CHST5: variants seen among roughly 807,000 people sequenced by gnomAD.
CHST5 encodes the protein GST4-alpha.
For synonymous variants in CHST5, 313 were observed against 279.2 expected, an observed-to-expected ratio of 1.12 and a Z score of -1.21; for missense variants, 637 against 602.1, an observed-to-expected ratio of 1.06 and a Z score of -0.61.
rs2080489464 is a variant in CHST5, at chr16:75,529,315, T to A, written c.1070A>T (p.His357Leu). ...CAGGATCTTAGTGAAGGGCAACGCGTGGCGCCAGGCCTGGGAGACGTTGCG... is the reference window on the plus strand; with the variant it reads ...CAGGATCTTAGTGAAGGGCAACGCGAGGCGCCAGGCCTGGGAGACGTTGCG... ...NARNVSQAWR[H>L]ALPFTKILRV... The change falls in exon 4 of 4, where the codon CAC becomes CTC. Residue 357 changes from histidine (H) to leucine (L), a missense_variant. Coordinates refer to ENST00000336257, the MANE Select transcript of CHST5 (RefSeq NM_024533.5). 5.0e-6 allele frequency: 8 copies of A among 1,613,076 alleles called. No individual in the cohort carries two copies. The South Asian group carries it at 7.7e-5, about 15-fold the overall frequency.
rs1157574032 is a variant in CHST5 at position 75,529,526 on chromosome 16, G to T, written c.859C>A (p.Arg287Ser). The T allele has an allele frequency of 6.2e-7, 1 of 1,610,184 alleles. No individual in the cohort carries two copies. The highest frequency in any genetic ancestry group is 2.2e-5 in the East Asian group (1 of 44,864). ...AAGCGCACCAGGCGGTAGCGGCCGCGCAGGAAGGGTGGCGGCTTGAGTGTG... is the reference window on the plus strand; with the variant it reads ...AAGCGCACCAGGCGGTAGCGGCCGCTCAGGAAGGGTGGCGGCTTGAGTGTG... Reference protein sequence around the residue: ...AATLKPPPFLRGRYRLVRFED... With the variant: ...AATLKPPPFLSGRYRLVRFED... Residue 287 changes from arginine to serine, a missense_variant, in exon 4 of 4, where the codon CGC becomes AGC. Physicochemically the swap from Arg to Ser is moderately radical, Grantham distance 110 (BLOSUM62 -1). Transcript: ENST00000336257.
Position 75,531,522 on chromosome 16 carries a change from A to G in CHST5, c.-1138T>C, listed in dbSNP as rs2641806. ...TTGATGGGGAGCTGGGATGGAGCCCAAGAAGCAGAGAGGTGAGAGCAGAGT... is the reference window on the plus strand; with the variant it reads ...TTGATGGGGAGCTGGGATGGAGCCCGAGAAGCAGAGAGGTGAGAGCAGAGT... On this transcript the variant is annotated 5_prime_UTR_variant, in exon 4 of 4. Transcript: ENST00000336257. 448,081 of 1,298,952 alleles carry G rather than the reference A, an allele frequency of 0.34. 89,694 individuals are homozygous for G. The highest frequency in any genetic ancestry group is 0.95 in the East Asian group (17,121 of 17,938). The allele number at this position is 1,298,952 out of a possible 1,614,324, so 80.5% of individuals were successfully genotyped here.
intron 3 of CHST5, among the ~76,000 whole-genome samples, chr16:75,532,386 G>C (rs2080530723): frequency 6.6e-6 from 1 of 152,206 alleles, no homozygotes; most frequent in Non-Finnish European, 1.5e-5. Context: ...CATCTGCAAT[G>C]ATCTCAAGGC....
chr16:75,533,700 A>T (rs1212605916), intron 2 of CHST5, among the ~76,000 whole-genome samples: 1 of 152,110 alleles, frequency 6.6e-6, no homozygotes, highest in Non-Finnish European at 1.5e-5. Flanking sequence ...GCAATTCTTG[A>T]CTGCCTTGCC....
intron 3 of CHST5, among the ~76,000 whole-genome samples, chr16:75,532,303 C>A (rs917701725): frequency 2.6e-5 from 4 of 152,212 alleles, no homozygotes; most frequent in Admixed American, 2.6e-4. Context: ...GCATTTCTCA[C>A]AGGGTGGAAG....
rs2080509854 is a variant in CHST5, at chr16:75,530,510, A to G, written c.-126T>C. 6.9e-7 allele frequency: 1 copy of G among 1,448,350 alleles called. No homozygotes were observed. Among genetic ancestry groups the G allele is most frequent in the Non-Finnish European group, 9.1e-7 (1 of 1,098,698 alleles). 89.7% of individuals were successfully genotyped at this position (1,448,350 alleles called of 1,614,324 possible). On this transcript the variant is annotated 5_prime_UTR_variant, in exon 4 of 4. Coordinates refer to ENST00000336257, the MANE Select transcript of CHST5 (RefSeq NM_024533.5). ...ACTTTCCCAGGAATACGGAGTCAAG[A>G]CATAGGCCAGAATATAGTCTGTGCT... is the stretch of plus-strand genomic sequence containing the variant.
At chr16:75,533,500 T>C (rs901004383) in intron 2 of CHST5, among the ~76,000 whole-genome samples, 13 of 152,152 alleles carry the variant, frequency 8.5e-5, no homozygotes, top group African/African-American at 2.7e-4. Flanking sequence ...GGAAGGACTG[T>C]CCCCTTCCCC....
Position 75,529,861 on chromosome 16 carries a change from C to G in CHST5, c.524G>C (p.Cys175Ser). ...GGCCAGGCTGAATGGCTGCCGCGTG[C>G]ACAGTGTCTTGCATACGTCCTGCTT... ...ISKQDVCKTL[C>S]TRQPFSLARE... The change falls in exon 4 of 4, where the codon TGC (cysteine) becomes TCC (serine). Residue 175 changes from cysteine (C) to serine (S), a missense_variant. Transcript: ENST00000336257. The G allele has an allele frequency of 6.2e-7, 1 of 1,613,592 alleles. No individual in the cohort carries two copies. Among genetic ancestry groups the G allele is most frequent in the Non-Finnish European group, 8.5e-7 (1 of 1,179,932 alleles).
intron 3 of CHST5, among the ~76,000 whole-genome samples, chr16:75,532,187 C>T (rs1251189757): frequency 6.6e-6 from 1 of 152,152 alleles, no homozygotes; most frequent in Non-Finnish European, 1.5e-5. Context: ...AGTCTCCCCA[C>T]AGAGGAGACA....
intron 1 of CHST5, among the ~76,000 whole-genome samples, chr16:75,535,619 C>G (rs1338393694): frequency 3.9e-5 from 6 of 152,190 alleles, no homozygotes; most frequent in African/African-American, 1.4e-4. Context: ...GGCTGCGGTC[C>G]CAGGGTGGCC....
chr16:75,533,252 C>T (rs548224038), intron 2 of CHST5, 69 bp from the exon 3 acceptor site: 2 of 702,246 alleles, frequency 2.8e-6, no homozygotes, highest in South Asian at 3.0e-5. Context: ...GAGAACCAGT[C>T]AGCCAGGCCC....
intron 3 of CHST5, 103 bp downstream of exon 3, chr16:75,532,986 G>C (rs1199820171): frequency 1.0e-5 from 6 of 588,822 alleles, no homozygotes; most frequent in Non-Finnish European, 1.8e-5. Context: ...GCCCCCTGCA[G>C]AGTGCAGGAC....
At position 75,530,902 on chromosome 16, in the gene CHST5, T is replaced by TG. The variant is rs371850857; in HGVS notation, c.-519dup. 7.4e-5 allele frequency: 74 copies of TG among 998,542 alleles called. No individual in the cohort carries two copies. The African/African-American group carries it at 1.1e-3, about 15-fold the overall frequency. The allele number at this position is 998,542 out of a possible 1,614,324, so 61.9% of individuals were successfully genotyped here. A position where few individuals can be genotyped will look rare whatever the true frequency, so the allele number is the denominator to read the frequency against. On this transcript the variant is annotated 5_prime_UTR_variant, in exon 4 of 4. Coordinates refer to ENST00000336257, the MANE Select transcript of CHST5 (RefSeq NM_024533.5). ...ATTCCGGTACCTGGCTCACAGGATCTGGGGGGATTGGGGGGTTATTATAAT... is the reference window on the plus strand; with the variant it reads ...ATTCCGGTACCTGGCTCACAGGATCTGGGGGGGATTGGGGGGTTATTATAAT...
Position 75,529,410 on chromosome 16 carries a change from G to C in CHST5, c.975C>G (p.Ile325Met), listed in dbSNP as rs1223743707. The C allele has an allele frequency of 3.7e-6, 6 of 1,612,990 alleles. No individual in the cohort carries two copies. The Admixed American group carries it at 8.3e-5, about 22-fold the overall frequency. The change falls in exon 4 of 4, where the codon ATC (isoleucine) becomes ATG (methionine). Residue 325 changes from isoleucine (I) to methionine (M), a missense_variant. By Grantham distance (10) the Ile-to-Met change is conservative. Coordinates refer to ENST00000336257, the MANE Select transcript of CHST5 (RefSeq NM_024533.5). ...LTLTPQLEAW[I>M]HNITHGSGIG... ...TCCCCGACCCGTGGGTGATGTTGTG[G>C]ATCCAGGCCTCGAGCTGTGGCGTGA...
Position 75,531,426 on chromosome 16 carries a change from G to A in CHST5, c.-1042C>T. 8.5e-7 allele frequency: 1 copy of A among 1,182,226 alleles called. No homozygotes were observed. Among genetic ancestry groups the A allele is most frequent in the Non-Finnish European group, 1.1e-6 (1 of 927,174 alleles). 73.2% of individuals were successfully genotyped at this position (1,182,226 alleles called of 1,614,324 possible). A position where few individuals can be genotyped will look rare whatever the true frequency, so the allele number is the denominator to read the frequency against. On this transcript the variant is annotated 5_prime_UTR_variant, in exon 4 of 4. Transcript: ENST00000336257. ...ACTGTTGTCATCACTGGTGGGGAGT[G>A]AAGTGCTGTAGGCAGCATGGGCTCC...
chr16:75,534,106 T>C (rs2080544309), intron 2 of CHST5, among the ~76,000 whole-genome samples: 1 of 150,880 alleles, frequency 6.6e-6, no homozygotes, highest in South Asian at 2.1e-4. Flanking sequence ...CCCAGTGTTT[T>C]GGGAGGCCAA....
chr16:75,532,279 C>T (rs1030939346), intron 3 of CHST5, among the ~76,000 whole-genome samples: 3 of 152,168 alleles, frequency 2.0e-5, no homozygotes, highest in African/African-American at 7.2e-5. Flanking sequence ...TTTAGTGGAC[C>T]TTAAGAATGT....
Position 75,529,241 on chromosome 16 carries a change from G to C in CHST5, c.1144C>G (p.Pro382Ala). ...CGCTGCTGGTCCGCAGAGTACACAG[G>C]CCGGTAGCCCAGCAGCTGCAGCGCG... Reference protein sequence around the residue: ...AGALQLLGYRPVYSADQQRDL... With the variant: ...AGALQLLGYRAVYSADQQRDL... The change falls in exon 4 of 4, where the codon CCT becomes GCT. Residue 382 changes from proline (P) to alanine (A), a missense_variant. Coordinates refer to ENST00000336257, the MANE Select transcript of CHST5 (RefSeq NM_024533.5). 6.2e-7 allele frequency: 1 copy of C among 1,613,088 alleles called. No homozygotes were observed. The highest frequency in any genetic ancestry group is 1.1e-5 in the South Asian group (1 of 91,054).
rs1316378600 is a variant in CHST5, at chr16:75,529,119, G to A, written c.*30C>T. On this transcript the variant is annotated 3_prime_UTR_variant, in exon 4 of 4. Coordinates refer to ENST00000336257, the MANE Select transcript of CHST5 (RefSeq NM_024533.5). The stretch of plus-strand genomic sequence containing the variant: ...TCGCCTCCTGGGCCTGGCGACCACA[G>A]TTCGGGGCCTGCTCTAAGGCCCAGA... 2 of 1,531,196 alleles carry A rather than the reference G, an allele frequency of 1.3e-6. No individual in the cohort carries two copies. The highest frequency in any genetic ancestry group is 1.3e-5 in the South Asian group (1 of 77,818). The allele number at this position is 1,531,196 out of a possible 1,614,324, so 94.9% of individuals were successfully genotyped here.
Sources: allele counts gnomAD v4.1 joint callset (sites outside exome capture counted in the v4.1 genomes callset), GRCh38; gene constraint gnomAD v4.1.1; transcripts MANE v1.5; gene names NCBI Gene and HGNC (gene_info 2026-07-23, HGNC 2026-07-21).